The following RAD51D variants were observed in gnomAD, a reference collection of about 807,000 sequenced individuals.
RAD51D encodes RAD51 paralog D, also known as DNA repair protein RAD51 homolog 4.
Under a neutral mutation model 44.1 loss-of-function variants are expected in RAD51D, and 38 were observed. That is an observed-to-expected ratio of 0.86 (90% CI 0.67 to 1.13). RAD51D has a LOEUF of 1.13. Among genes scored for constraint, RAD51D ranks in the 50% most tolerant of loss-of-function variants. The probability of loss-of-function intolerance (pLI) is 0.00; values close to 1 mark genes in which losing one functional copy is unlikely to be tolerated. For synonymous variants in RAD51D, 141 were observed against 166.6 expected (o/e 0.85, Z 1.18); for missense variants, 390 against 414.0 (o/e 0.94, Z 0.50).
At position 35,101,336 on chromosome 17, in the gene RAD51D, G is replaced by C. The variant is rs569428131; in HGVS notation, c.768C>G (p.Asp256Glu). The C allele has an allele frequency of 4.3e-6, 7 of 1,614,066 alleles. No individual in the cohort carries two copies. The South Asian group carries it at 7.7e-5, about 18-fold the overall frequency. Residue 256 changes from aspartate to glutamate, a missense_variant, in exon 9 of 10, where the codon GAC becomes GAG. By Grantham distance (45) the Asp-to-Glu change is conservative. Transcript: ENST00000345365. ...VVTNHITRDR[D>E]SGRLKPALGR... ...CGAGGGCAGGTTTGAGCCTCCCGCT[G>C]TCCCTGTCTCGAGTTATGTGGTTGG... is the stretch of plus-strand genomic sequence containing the variant.
At chr17:35,119,264 T>C in intron 1 of RAD51D, 92 bp from the exon 2 acceptor site, 1 of 1,235,872 alleles carries the variant, frequency 8.1e-7, no homozygotes, top group Non-Finnish European at 1.2e-6. Flanking sequence ...GTGTCAATTC[T>C]ACCCCCCGGC....
Position 35,097,550 on chromosome 17 carries a change from TA to T in RAD51D, c.*3402del, listed in dbSNP as rs1296298273. ...ATATATATATGTATATGTATATGTA[TA>T]TTTTTTTCCTAAGAACTAGAGAGTG... On this transcript the variant is annotated 3_prime_UTR_variant, in exon 10 of 10. Transcript: ENST00000345365. 1 of 151,548 alleles carries T rather than the reference TA, an allele frequency of 6.6e-6. No homozygotes were observed. The highest frequency in any genetic ancestry group is 6.6e-5 in the Admixed American group (1 of 15,202). The allele number at this position is 151,548 out of a possible 1,614,324, so 9.4% of individuals were successfully genotyped here. A position where few individuals can be genotyped will look rare whatever the true frequency, so the allele number is the denominator to read the frequency against.
At chr17:35,115,385 C>T (rs2091724552) in intron 3 of RAD51D, 1 of 469,000 alleles carries the variant, frequency 2.1e-6, no homozygotes. Context: ...ATAGCTTTTC[C>T]CAAAGTACGT....
chr17:35,103,347 G>C lies in RAD51D; in HGVS notation c.668-23C>G. On this transcript the variant is annotated intron_variant, in intron 7 of 9. Transcript: ENST00000345365. This position sits in a 1 kb window ranked among gnomAD's most constrained non-coding sequence, Gnocchi z 4.1. Reference sequence around the variant, plus strand: ...AGCCTGCAGGAGGAGGAGAAGCAGAGAGGGAGGGCAGTGGGGAACCAGGGA... The same window carrying C: ...AGCCTGCAGGAGGAGGAGAAGCAGACAGGGAGGGCAGTGGGGAACCAGGGA... 6.2e-7 allele frequency: 1 copy of C among 1,612,854 alleles called. No homozygotes were observed. Among genetic ancestry groups the C allele is most frequent in the East Asian group, 2.2e-5 (1 of 44,852 alleles).
rs1261427256 is a variant in RAD51D at position 35,096,447 on chromosome 17, G to C, written c.*4506C>G. On this transcript the variant is annotated 3_prime_UTR_variant, in exon 10 of 10. Coordinates refer to ENST00000345365, the MANE Select transcript of RAD51D (RefSeq NM_002878.4). ...TGGCTGCAGCCAGGCTTTCATAAGG[G>C]GAACAAGCTTGAAGACAAAACCAAC... The C allele has an allele frequency of 1.3e-5, 2 of 152,190 alleles. No individual in the cohort carries two copies. The highest frequency in any genetic ancestry group is 2.4e-5 in the African/African-American group (1 of 41,452). The allele number at this position is 152,190 out of a possible 1,614,324, so 9.4% of individuals were successfully genotyped here.
Position 35,106,982 on chromosome 17 carries a change from C to T in RAD51D, c.480+6G>A, listed in dbSNP as rs1057523143. ...ATCTCAATGGAACCCAGCATCCTGC[C>T]CTTACCTGTTCCTCCTCATCCTGGG... On this transcript the variant is annotated splice_donor_region_variant and intron_variant, in intron 5 of 9. Transcript: ENST00000345365. 12 of 1,614,148 alleles carry T rather than the reference C, an allele frequency of 7.4e-6. No individual in the cohort carries two copies. Among genetic ancestry groups the T allele is most frequent in the East Asian group, 2.2e-5 (1 of 44,882 alleles).
intron 3 of RAD51D, 107 bp downstream of exon 3, chr17:35,118,394 G>T: frequency 2.2e-6 from 2 of 901,674 alleles, no homozygotes; most frequent in Non-Finnish European, 3.6e-6. Context: ...ATCCATTATT[G>T]GTTAAAAAAA....
Position 35,103,445 on chromosome 17 carries a change from A to G in RAD51D, c.667+9T>C, listed in dbSNP as rs772193051. 6.8e-6 allele frequency: 11 copies of G among 1,613,798 alleles called. No individual in the cohort carries two copies. Among genetic ancestry groups the G allele is most frequent in the Middle Eastern group, 1.6e-4 (1 of 6,084 alleles). On this transcript the variant is annotated intron_variant, in intron 7 of 9. Transcript: ENST00000345365. This position sits in a 1 kb window ranked among gnomAD's most constrained non-coding sequence, Gnocchi z 4.1. ...TTCCACTGGCCCCAGGCTCTGCCAC[A>G]TCACTCACCTTCCCTCTGCTGACCT...
At chr17:35,101,145 A>G in intron 9 of RAD51D, 56 bp downstream of exon 9, 1 of 1,613,426 alleles carries the variant, frequency 6.2e-7, no homozygotes, top group Non-Finnish European at 8.5e-7. Flanking sequence ...ATCTGTGGGT[A>G]TGGAAACCAC....
rs2091490824 is a variant in RAD51D at position 35,097,113 on chromosome 17, G to GT, written c.*3839_*3840insA. 1 of 152,118 alleles carries GT rather than the reference G, an allele frequency of 6.6e-6. No individual in the cohort carries two copies. Among genetic ancestry groups the GT allele is most frequent in the Admixed American group, 6.6e-5 (1 of 15,266 alleles). 9.4% of individuals were successfully genotyped at this position (152,118 alleles called of 1,614,324 possible). The stretch of plus-strand genomic sequence containing the variant: ...GACACTCTGGGGACTCAATGATGTG[G>GT]GTGTGAACATATATATATATTTTTT... On this transcript the variant is annotated 3_prime_UTR_variant, in exon 10 of 10. Transcript: ENST00000345365.
Position 35,093,106 on chromosome 17 carries a change from TATCCCC to T in RAD51D, c.*7841_*7846del. 6.6e-6 allele frequency: 1 copy of T among 152,222 alleles called. No individual in the cohort carries two copies. The highest frequency in any genetic ancestry group is 1.9e-4 in the East Asian group (1 of 5,206). The allele number at this position is 152,222 out of a possible 1,614,324, so 9.4% of individuals were successfully genotyped here. On this transcript the variant is annotated 3_prime_UTR_variant, in exon 10 of 10. Coordinates refer to ENST00000345365, the MANE Select transcript of RAD51D (RefSeq NM_002878.4). ...CTGGACAGAAGAAAGCTGTCATCAGTATCCCCCATGCATCATAAGCTTATTCATAAT... is the reference window on the plus strand; with the variant it reads ...CTGGACAGAAGAAAGCTGTCATCAGTCATGCATCATAAGCTTATTCATAAT...
chr17:35,112,109 G>C (rs536987047), intron 3 of RAD51D, among the ~76,000 whole-genome samples: 1 of 152,280 alleles, frequency 6.6e-6, no homozygotes, highest in Admixed American at 6.5e-5. Flanking sequence ...ACGGAGTCTC[G>C]CTCTGTCGCC....
rs1045827842 is a variant in RAD51D at position 35,096,757 on chromosome 17, A to C, written c.*4196T>G. 4.6e-5 allele frequency: 7 copies of C among 152,258 alleles called. No individual in the cohort carries two copies. The highest frequency in any genetic ancestry group is 1.7e-4 in the African/African-American group (7 of 41,454). The allele number at this position is 152,258 out of a possible 1,614,324, so 9.4% of individuals were successfully genotyped here. On this transcript the variant is annotated 3_prime_UTR_variant, in exon 10 of 10. Coordinates refer to ENST00000345365, the MANE Select transcript of RAD51D (RefSeq NM_002878.4). Reference sequence around the variant, plus strand: ...ACACCTGTAGTCCCAGCTACTTGGGAGACTGAAGTGGGAGGATCACTTGAG... The same window carrying C: ...ACACCTGTAGTCCCAGCTACTTGGGCGACTGAAGTGGGAGGATCACTTGAG...
intron 3 of RAD51D, among the ~76,000 whole-genome samples, chr17:35,115,122 G>A (rs1003510943): frequency 1.3e-5 from 2 of 152,154 alleles, no homozygotes; most frequent in African/African-American, 4.8e-5. Flanking sequence ...CATGTCAACA[G>A]GGAGAGACCC....
Position 35,097,453 on chromosome 17 carries a change from G to GTATA in RAD51D, c.*3496_*3499dup, listed in dbSNP as rs139672438. ...TATATATGTGTGTATATATATGTGT[G>GTATA]TATATATATATATGTGTGTATATAT... is the stretch of plus-strand genomic sequence containing the variant. On this transcript the variant is annotated 3_prime_UTR_variant, in exon 10 of 10. Coordinates refer to ENST00000345365, the MANE Select transcript of RAD51D (RefSeq NM_002878.4). 6.7e-6 allele frequency: 1 copy of GTATA among 148,948 alleles called. No individual in the cohort carries two copies. The allele number at this position is 148,948 out of a possible 1,614,324, so 9.2% of individuals were successfully genotyped here.
rs9915609 is a variant in RAD51D, at chr17:35,116,751, C to T, written c.263+1750G>A. ...CCTCATGATCCGCCCACCTCAGCCT[C>T]CCAAAGTGCTGTGATCACAGGCGTG... is the stretch of plus-strand genomic sequence containing the variant. On this transcript the variant is annotated intron_variant, in intron 3 of 9. Coordinates refer to ENST00000345365, the MANE Select transcript of RAD51D (RefSeq NM_002878.4). 0.024 allele frequency: 20,380 copies of T among 833,602 alleles called. 1,508 individuals carry two copies. Among genetic ancestry groups the T allele is most frequent in the East Asian group, 0.18 (6,719 of 37,540 alleles). The allele number at this position is 833,602 out of a possible 1,614,324, so 51.6% of individuals were successfully genotyped here. A position where few individuals can be genotyped will look rare whatever the true frequency, so the allele number is the denominator to read the frequency against.
intron 3 of RAD51D, among the ~76,000 whole-genome samples, chr17:35,115,531 C>G (rs1015007575): frequency 6.6e-6 from 1 of 152,126 alleles, no homozygotes; most frequent in African/African-American, 2.4e-5. Context: ...CTCCCCTCCT[C>G]CCAAGTTTTA....
intron 1 of RAD51D, 60 bp downstream of exon 1, chr17:35,119,472 G>C (rs759285469): frequency 2.5e-6 from 4 of 1,575,498 alleles, no homozygotes; most frequent in Non-Finnish European, 3.5e-6. Flanking sequence ...GCCAGCCCTC[G>C]GGGCCTGCCC....
chr17:35,116,980 CGGGGACCTGA>C lies in RAD51D; in HGVS notation c.263+1511_263+1520del. The C allele has an allele frequency of 6.2e-7, 1 of 1,613,930 alleles. No homozygotes were observed. Among genetic ancestry groups the C allele is most frequent in the African/African-American group, 1.3e-5 (1 of 75,042 alleles). On this transcript the variant is annotated intron_variant, in intron 3 of 9. Transcript: ENST00000345365. ...CTGACCCCACTCCACGATCTCCCTG[CGGGGACCTGA>C]GGCAGCTGCAGTCCTCCCAGGTTCC...
Sources: gnomAD v4.1 joint callset for allele counts (sites outside exome capture counted in the v4.1 genomes callset) on GRCh38, gnomAD v4.1.1 for gene constraint, Gnocchi (gnomAD v3.1) non-coding constraint, MANE v1.5 for transcripts, NCBI Gene and HGNC (gene_info 2026-07-23, HGNC 2026-07-21) for gene names.